Variants in LCP2 observed in about 807,000 individuals in gnomAD.
LCP2 encodes lymphocyte cytosolic protein 2.
LCP2 carries 29 observed loss-of-function variants against 74.5 expected under a neutral mutation model. The observed-to-expected ratio is 0.39, with a 90% CI of 0.29 to 0.53. The LOEUF (loss-of-function observed/expected upper bound fraction) is 0.53, where lower values mean the gene tolerates loss of function less well. Among genes scored for constraint, LCP2 ranks in the 20% least tolerant of loss-of-function variants. The probability of loss-of-function intolerance (pLI) is 0.72; values close to 1 mark genes in which losing one functional copy is unlikely to be tolerated. For synonymous variants in LCP2, 228 were observed against 229.5 expected (o/e 0.99, Z 0.06); for missense variants, 604 against 634.6 (o/e 0.95, Z 0.52).
At chr5:170,271,235 T>G (rs1275706932) in intron 6 of LCP2, among the ~76,000 whole-genome samples, 1 of 152,110 alleles carries the variant, frequency 6.6e-6, no homozygotes, top group Non-Finnish European at 1.5e-5. Flanking sequence ...CTGTCTTGAG[T>G]AAACACATTT....
At chr5:170,292,087 C>T (rs1454542002) in intron 2 of LCP2, among the ~76,000 whole-genome samples, 2 of 152,190 alleles carry the variant, frequency 1.3e-5, no homozygotes, top group African/African-American at 4.8e-5. Context: ...CTGAACATAC[C>T]TTTCTGCTAT....
chr5:170,272,551 A>T (rs756518726), intron 6 of LCP2, among the ~76,000 whole-genome samples: 8 of 148,688 alleles, frequency 5.4e-5, no homozygotes, highest in Non-Finnish European at 1.0e-4. Flanking sequence ...TTCCAGCAAG[A>T]TAGACTAAAT....
intron 6 of LCP2, among the ~76,000 whole-genome samples, chr5:170,272,116 C>T (rs1000441242): frequency 6.6e-5 from 10 of 152,180 alleles, no homozygotes; most frequent in South Asian, 2.1e-4. Context: ...TCCGCAGGCA[C>T]GTGGCCTCCC....
At chr5:170,257,557 C>T (rs1028735909) in intron 16 of LCP2, among the ~76,000 whole-genome samples, 1 of 152,126 alleles carries the variant, frequency 6.6e-6, no homozygotes, top group African/African-American at 2.4e-5. Context: ...GCATCTGCCC[C>T]TGGGCGGCCT....
chr5:170,262,817 C>T, intron 12 of LCP2, 25 bp downstream of exon 12: 1 of 1,613,972 alleles, frequency 6.2e-7, no homozygotes, highest in Non-Finnish European at 8.5e-7. Flanking sequence ...TCCCATGTAC[C>T]CTCATGTAGA....
Position 170,275,803 on chromosome 5 carries a change from G to A in LCP2, c.246C>T (p.Phe82=), listed in dbSNP as rs1761996750. 2 of 1,579,734 alleles carry A rather than the reference G, an allele frequency of 1.3e-6. No homozygotes were observed. Among genetic ancestry groups the A allele is most frequent in the South Asian group, 1.2e-5 (1 of 86,280 alleles). Residue 82 remains phenylalanine, a synonymous_variant, in exon 4 of 21, where the codon TTC becomes TTT. Coordinates refer to ENST00000046794, the MANE Select transcript of LCP2 (RefSeq NM_005565.5). ...INKNEERRSI[F]TRKPQVPRFP... is the part of the protein sequence containing the mutation. Reference sequence around the variant, plus strand: ...ACACCAGCCGCACTCACTTGCGTGTGAAGATGCTCCTCCTCTCTTCGTTCT... The same window carrying A: ...ACACCAGCCGCACTCACTTGCGTGTAAAGATGCTCCTCCTCTCTTCGTTCT...
At chr5:170,293,694 C>A (rs1762326575) in intron 1 of LCP2, among the ~76,000 whole-genome samples, 1 of 152,242 alleles carries the variant, frequency 6.6e-6, no homozygotes, top group Non-Finnish European at 1.5e-5. Flanking sequence ...AAATACCATC[C>A]ATTGTCTCGA....
At chr5:170,296,336 C>G (rs1762383773) in intron 1 of LCP2, among the ~76,000 whole-genome samples, 1 of 152,190 alleles carries the variant, frequency 6.6e-6, no homozygotes, top group South Asian at 2.1e-4. Context: ...GTACCCCTAC[C>G]ATACCACACC....
At position 170,293,367 on chromosome 5, in the gene LCP2, G is replaced by A; in HGVS notation, c.84C>T (p.Asn28=). The A allele has an allele frequency of 6.3e-7, 1 of 1,596,238 alleles. No homozygotes were observed. The change falls in exon 2 of 21, where the codon AAC becomes AAT. Residue 28 remains asparagine, a synonymous_variant. Coordinates refer to ENST00000046794, the MANE Select transcript of LCP2 (RefSeq NM_005565.5). The part of the protein sequence containing the change: ...DSLADYFKKL[N]YKDCEKAVKK... ...TCACTGCCTTCTCACAGTCCTTATA[G>A]TTGAGCTGCAAAGAGAAGGGGAAGG...
chr5:170,295,988 T>C (rs1441147898), intron 1 of LCP2, among the ~76,000 whole-genome samples: 1 of 152,200 alleles, frequency 6.6e-6, no homozygotes, highest in Non-Finnish European at 1.5e-5. Flanking sequence ...TAGGGATCAA[T>C]TCTCTGTTGC....
chr5:170,274,915 T>C (rs315736), intron 5 of LCP2, among the ~76,000 whole-genome samples: 55,476 of 149,540 alleles, frequency 0.37, 13,687 homozygotes, highest in African/African-American at 0.68. Context: ...AGGCAGAGCT[T>C]GCAGTGAGCC....
At chr5:170,281,146 G>A (rs1056044219) in intron 3 of LCP2, among the ~76,000 whole-genome samples, 1 of 152,216 alleles carries the variant, frequency 6.6e-6, no homozygotes, top group Non-Finnish European at 1.5e-5. Flanking sequence ...GACAGCCAAG[G>A]GAGGCACCTT....
At chr5:170,251,499 ATAT>A (rs1761441950) in intron 19 of LCP2, 1 of 309,254 alleles carries the variant, frequency 3.2e-6, no homozygotes, top group Non-Finnish European at 6.7e-6. Context: ...TTGCTACATA[ATAT>A]TAATACTGTA....
intron 1 of LCP2, among the ~76,000 whole-genome samples, chr5:170,295,152 T>C (rs1762351828): frequency 6.6e-6 from 1 of 152,208 alleles, no homozygotes; most frequent in African/African-American, 2.4e-5. Flanking sequence ...GCCTCTCCAC[T>C]GCACGACCCA....
At chr5:170,286,681 A>G (rs1762187729) in intron 3 of LCP2, among the ~76,000 whole-genome samples, 1 of 152,214 alleles carries the variant, frequency 6.6e-6, no homozygotes, top group Non-Finnish European at 1.5e-5. Flanking sequence ...GATAGACAGC[A>G]CCAAAGGCAA....
chr5:170,288,337 G>A (rs1030855102), intron 2 of LCP2, among the ~76,000 whole-genome samples: 5 of 152,128 alleles, frequency 3.3e-5, no homozygotes, highest in Non-Finnish European at 7.4e-5. Context: ...GAAACCAAAC[G>A]ACTCGTTGTG....
chr5:170,288,497 G>A (rs942311789), intron 2 of LCP2, among the ~76,000 whole-genome samples: 1 of 152,162 alleles, frequency 6.6e-6, no homozygotes, highest in Non-Finnish European at 1.5e-5. Context: ...TCTTTCACCA[G>A]GGTTGTTGGT....
At chr5:170,275,628 G>A in intron 4 of LCP2, 167 bp downstream of exon 4, 2 of 674,370 alleles carry the variant, frequency 3.0e-6, no homozygotes, top group Non-Finnish European at 5.2e-6. Flanking sequence ...AGGATGCAGA[G>A]CAGGGGAGGG....
At chr5:170,289,655 T>TTCTCTCTCTCTCTCTCTCTCTC (rs1561978370) in intron 2 of LCP2, among the ~76,000 whole-genome samples, 19 of 113,892 alleles carry the variant, frequency 1.7e-4, no homozygotes, top group African/African-American at 5.5e-4. Context: ...CTTTCTTTCT[T>TTCTCTCTCTCTCTCTCTCTCTC]TCTTTCTTTC....
Sources: gnomAD v4.1 joint callset for allele counts (sites outside exome capture counted in the v4.1 genomes callset) on GRCh38, gnomAD v4.1.1 for gene constraint, MANE v1.5 for transcripts, NCBI Gene and HGNC (gene_info 2026-07-23, HGNC 2026-07-21) for gene names.